The following MAN1A2 variants were observed in gnomAD, a reference collection of about 807,000 sequenced individuals.
The protein encoded by MAN1A2 is mannosyl-oligosaccharide 1,2-alpha-mannosidase IB.
Under a neutral mutation model 75.7 loss-of-function variants are expected in MAN1A2, and 26 were observed. The observed-to-expected ratio is 0.34, with a 90% CI of 0.25 to 0.48. MAN1A2 has a LOEUF of 0.48. Ranked by LOEUF, MAN1A2 falls within the 20% of genes least tolerant of loss-of-function variation. MAN1A2 has a pLI of 0.99. For missense variants in MAN1A2, 562 were observed against 775.5 expected (o/e 0.72, Z 3.27); for synonymous variants, 247 against 264.6 (o/e 0.93, Z 0.65).
intron 12 of MAN1A2, among the ~76,000 whole-genome samples, chr1:117,512,750 TACACACACACACACACACAC>T (rs3050979): frequency 2.8e-5 from 4 of 143,764 alleles, no homozygotes; most frequent in Non-Finnish European, 4.5e-5. Flanking sequence ...GGCACTGGGA[TACACACACACACACACACAC>T]ACACACACAC....
chr1:117,401,789 T>A (rs973510605), intron 1 of MAN1A2, among the ~76,000 whole-genome samples: 2 of 152,184 alleles, frequency 1.3e-5, no homozygotes, highest in Admixed American at 1.3e-4. Context: ...AAAAACTTCC[T>A]GTTCTCTTAT....
In MAN1A2 at chr1:117,502,933, G is replaced by T; in HGVS notation, c.1756G>T (p.Asp586Tyr). 6.2e-7 allele frequency: 1 copy of T among 1,605,500 alleles called. No individual in the cohort carries two copies. Among genetic ancestry groups the T allele is most frequent in the Admixed American group, 1.7e-5 (1 of 59,010 alleles). Residue 586 changes from aspartate to tyrosine, a missense_variant, in exon 12 of 13, where the codon GAT becomes TAT. Transcript: ENST00000356554. The part of the protein sequence containing the change: ...DVYSSTPTHD[D>Y]VQQSFFLAET... ...ATATTCCTCTACTCCTACACATGAT[G>T]ATGTACAGCAGAGCTTTTTTCTTGC...
intron 12 of MAN1A2, among the ~76,000 whole-genome samples, chr1:117,512,257 TGC>T (rs1438296463): frequency 3.9e-5 from 6 of 152,090 alleles, no homozygotes; most frequent in African/African-American, 1.4e-4. Flanking sequence ...AAGGTCCAGA[TGC>T]CCACATAAAG....
intron 12 of MAN1A2, among the ~76,000 whole-genome samples, chr1:117,519,378 A>G (rs1213296265): frequency 1.3e-5 from 2 of 152,116 alleles, no homozygotes; most frequent in African/African-American, 4.8e-5. Context: ...AAAATACAAA[A>G]GATGAATGAA....
At chr1:117,394,946 G>A (rs1653860301) in intron 1 of MAN1A2, among the ~76,000 whole-genome samples, 1 of 152,140 alleles carries the variant, frequency 6.6e-6, no homozygotes, top group African/African-American at 2.4e-5. Context: ...GAAGGAAAGA[G>A]TGAATATAAA....
In MAN1A2 at chr1:117,524,360, A is replaced by G. The variant is rs1050147751; in HGVS notation, c.*1403A>G. ...TAAGATAAATATCTAGTGCTTATAA[A>G]TTTTCTGTCCTTAAATTTATGTGAC... On this transcript the variant is annotated 3_prime_UTR_variant, in exon 13 of 13. Transcript: ENST00000356554. The G allele has an allele frequency of 1.3e-5, 2 of 151,896 alleles. No homozygotes were observed. The highest frequency in any genetic ancestry group is 4.8e-5 in the African/African-American group (2 of 41,374). 9.4% of individuals were successfully genotyped at this position (151,896 alleles called of 1,614,324 possible).
intron 5 of MAN1A2, among the ~76,000 whole-genome samples, chr1:117,435,061 T>A (rs758858432): frequency 1.3e-4 from 19 of 151,856 alleles, no homozygotes; most frequent in Non-Finnish European, 2.4e-4. Context: ...AGGGGGAAGA[T>A]CATGAGTTAA....
At chr1:117,397,665 T>TC (rs2101747856) in intron 1 of MAN1A2, among the ~76,000 whole-genome samples, 1 of 148,182 alleles carries the variant, frequency 6.7e-6, no homozygotes, top group East Asian at 2.0e-4. Context: ...TTTTTTTTTT[T>TC]TGGAGACGTA....
chr1:117,505,669 T>A (rs1384635567), intron 12 of MAN1A2, among the ~76,000 whole-genome samples: 1 of 151,316 alleles, frequency 6.6e-6, no homozygotes. Flanking sequence ...CATTCAGCAT[T>A]GCACTTCCTG....
At chr1:117,424,577 C>T (rs902907532) in intron 5 of MAN1A2, among the ~76,000 whole-genome samples, 1 of 152,166 alleles carries the variant, frequency 6.6e-6, no homozygotes. Context: ...TGCTTTTGCT[C>T]ATGACTTGGG....
At chr1:117,460,445 T>G in intron 6 of MAN1A2, 44 bp from the exon 7 acceptor site, 1 of 1,487,958 alleles carries the variant, frequency 6.7e-7, no homozygotes, top group South Asian at 1.2e-5. Context: ...TGTTTTGGTC[T>G]TTTCCCAATC....
At chr1:117,423,242 A>G (rs1188442909) in intron 5 of MAN1A2, among the ~76,000 whole-genome samples, 1 of 152,130 alleles carries the variant, frequency 6.6e-6, no homozygotes, top group African/African-American at 2.4e-5. Context: ...CTCTTGATTT[A>G]TGTGTCTGTC....
chr1:117,413,747 ATGC>A (rs2101769898), intron 3 of MAN1A2, among the ~76,000 whole-genome samples: 1 of 152,124 alleles, frequency 6.6e-6, no homozygotes, highest in African/African-American at 2.4e-5. Flanking sequence ...AGCCATGTTA[ATGC>A]AGGCAGTAAG....
Position 117,523,278 on chromosome 1 carries a change from T to C in MAN1A2, c.*321T>C. ...CCTGAAGTCTGGAGGCTAGACTTCC[T>C]GAAAGCAAGTCAAGAATATAGAGCA... On this transcript the variant is annotated 3_prime_UTR_variant, in exon 13 of 13. Coordinates refer to ENST00000356554, the MANE Select transcript of MAN1A2 (RefSeq NM_006699.5). 1 of 503,430 alleles carries C rather than the reference T, an allele frequency of 2.0e-6. No homozygotes were observed. The highest frequency in any genetic ancestry group is 4.0e-6 in the Non-Finnish European group (1 of 248,864). 31.2% of individuals were successfully genotyped at this position (503,430 alleles called of 1,614,324 possible).
At chr1:117,468,097 A>T (rs1483785657) in intron 8 of MAN1A2, among the ~76,000 whole-genome samples, 4 of 152,164 alleles carry the variant, frequency 2.6e-5, no homozygotes, top group Non-Finnish European at 5.9e-5. Flanking sequence ...TTTATAAAGG[A>T]TAGAGGTTTA....
intron 8 of MAN1A2, among the ~76,000 whole-genome samples, chr1:117,487,754 C>T (rs1297904386): frequency 6.6e-6 from 1 of 151,976 alleles, no homozygotes; most frequent in Non-Finnish European, 1.5e-5. Context: ...TGAAAAGGTA[C>T]CACTAACCTT....
chr1:117,379,286 A>G (rs1371714541), intron 1 of MAN1A2, among the ~76,000 whole-genome samples: 2 of 151,962 alleles, frequency 1.3e-5, no homozygotes, highest in East Asian at 1.9e-4. Flanking sequence ...ATAAATTTTC[A>G]TATATTCATA....
At chr1:117,417,557 ATG>A (rs1553232797) in intron 4 of MAN1A2, among the ~76,000 whole-genome samples, 1 of 140,744 alleles carries the variant, frequency 7.1e-6, no homozygotes, top group East Asian at 2.0e-4. Flanking sequence ...ATATATATAT[ATG>A]TGATATATAT....
chr1:117,409,563 A>G (rs1340256669), intron 3 of MAN1A2, among the ~76,000 whole-genome samples: 1 of 152,050 alleles, frequency 6.6e-6, no homozygotes. Context: ...GGAATGTTCT[A>G]TTGATGTCAG....
Sources: gnomAD v4.1 joint callset for allele counts (sites outside exome capture counted in the v4.1 genomes callset) on GRCh38, gnomAD v4.1.1 for gene constraint, MANE v1.5 for transcripts, NCBI Gene and HGNC (gene_info 2026-07-23, HGNC 2026-07-21) for gene names.